The following ATP7A variants were observed in gnomAD, a reference collection of about 807,000 sequenced individuals.
ATP7A encodes the protein copper-transporting ATPase 1.
A neutral mutation model predicts 83.5 loss-of-function variants in ATP7A; 7 were observed. The observed-to-expected ratio is 0.08, with a 90% CI of 0.05 to 0.16. The LOEUF (loss-of-function observed/expected upper bound fraction) is 0.16, where lower values mean the gene tolerates loss of function less well. Ranked by LOEUF, ATP7A falls within the 10% of genes least tolerant of loss-of-function variation. The pLI is 1.00. For synonymous variants in ATP7A, 354 were observed against 395.2 expected (o/e 0.90, Z 1.24); for missense variants, 940 against 1,120.8 (o/e 0.84, Z 2.30).
At chrX:78,041,281 T>C (rs1199261965) in intron 19 of ATP7A, among the ~76,000 whole-genome samples, 2 of 109,952 alleles carry the variant, frequency 1.8e-5, no homozygotes, top group Non-Finnish European at 1.9e-5. Flanking sequence ...TTTTGTTTCT[T>C]TTTTTTTTCT....
At chrX:78,029,469 C>A in intron 15 of ATP7A, 25 bp downstream of exon 15, 1 of 1,169,473 alleles carries the variant, frequency 8.6e-7, no homozygotes, top group Non-Finnish European at 1.2e-6. Flanking sequence ...AGAACTAAAA[C>A]CTGTACCACC....
At chrX:78,039,128 C>G (rs2078032029) in intron 18 of ATP7A, 146 bp downstream of exon 18, 2 of 645,807 alleles carry the variant, frequency 3.1e-6, no homozygotes, top group Non-Finnish European at 4.5e-6. Flanking sequence ...ATGATTATTA[C>G]TGATTAATTT....
intron 1 of ATP7A, among the ~76,000 whole-genome samples, chrX:77,959,646 T>A (rs1023715893): frequency 8.9e-6 from 1 of 112,617 alleles, no homozygotes; most frequent in South Asian, 3.6e-4. Flanking sequence ...TCAGTGAGAA[T>A]CACATTTCTA....
intron 2 of ATP7A, among the ~76,000 whole-genome samples, chrX:77,978,255 T>G (rs2077586923): frequency 9.1e-6 from 1 of 110,491 alleles, no homozygotes; most frequent in Non-Finnish European, 1.9e-5. Flanking sequence ...TAGTTTGGGG[T>G]TAGTAGGCTA....
At chrX:77,935,460 A>G (rs1334243287) in intron 1 of ATP7A, among the ~76,000 whole-genome samples, 2 of 112,252 alleles carry the variant, frequency 1.8e-5, no homozygotes, top group Non-Finnish European at 3.8e-5. Flanking sequence ...CACTGCTGTT[A>G]AATACTTAAC....
chrX:77,998,527 G>A lies in ATP7A; in HGVS notation c.1386G>A (p.Pro462=), dbSNP rs1297787618. The A allele has an allele frequency of 3.0e-5, 36 of 1,210,027 alleles. No homozygotes were observed. The highest frequency in any genetic ancestry group is 3.9e-5 in the Non-Finnish European group (35 of 895,241). ...TAGCTCAGCCTTCATCGGAAATGCC[G>A]CTTTTGACTTCAACTAATGAATTTT... ...VVIAQPSSEM[P]LLTSTNEFYT... is the part of the protein sequence containing the mutation. The change falls in exon 5 of 23, where the codon CCG becomes CCA. Residue 462 remains proline (P), a synonymous_variant. Transcript: ENST00000341514.
At chrX:77,996,954 G>T (rs2077708421) in intron 4 of ATP7A, among the ~76,000 whole-genome samples, 2 of 110,769 alleles carry the variant, frequency 1.8e-5, no homozygotes, top group African/African-American at 6.6e-5. Flanking sequence ...CATAACAGCA[G>T]TACTATTTGG....
intron 5 of ATP7A, among the ~76,000 whole-genome samples, chrX:77,999,772 CGCATGCCTGG>C (rs2077727211): frequency 1.8e-5 from 2 of 110,449 alleles, no homozygotes; most frequent in Non-Finnish European, 3.8e-5. Context: ...GGTGTAGTGG[CGCATGCCTGG>C]AGTCCCAGCT....
intron 2 of ATP7A, 22 bp from the exon 3 acceptor site, chrX:77,988,220 T>G (rs781880486): frequency 8.4e-7 from 1 of 1,194,525 alleles, no homozygotes; most frequent in Non-Finnish European, 1.1e-6. Context: ...TTAAACTGAC[T>G]TTTGGAATTT....
intron 5 of ATP7A, among the ~76,000 whole-genome samples, chrX:78,002,767 G>A (rs1557233291): frequency 1.9e-5 from 2 of 105,102 alleles, no homozygotes; most frequent in Non-Finnish European, 3.9e-5. Flanking sequence ...ATGAAGCAAG[G>A]TGATAGGTAC....
At chrX:78,027,103 T>C (rs561432665) in intron 14 of ATP7A, among the ~76,000 whole-genome samples, 2 of 105,708 alleles carry the variant, frequency 1.9e-5, no homozygotes, top group East Asian at 5.9e-4. Context: ...TGAGCCTAGA[T>C]CACGCCATTG....
chrX:77,956,604 C>G (rs782099183), intron 1 of ATP7A, among the ~76,000 whole-genome samples: 4 of 111,251 alleles, frequency 3.6e-5, no homozygotes, highest in Non-Finnish European at 7.5e-5. Flanking sequence ...ACATCACCTT[C>G]CACCATGAAC....
At chrX:77,930,375 T>C (rs1166049888) in intron 1 of ATP7A, among the ~76,000 whole-genome samples, 1 of 111,806 alleles carries the variant, frequency 8.9e-6, no homozygotes, top group African/African-American at 3.3e-5. Context: ...GAAGTCTGCA[T>C]ACTGCGTGGT....
chrX:77,978,264 T>C (rs933182890), intron 2 of ATP7A, among the ~76,000 whole-genome samples: 5 of 110,598 alleles, frequency 4.5e-5, no homozygotes, highest in Non-Finnish European at 9.4e-5. Flanking sequence ...GTTAGTAGGC[T>C]ATTTGGCTAT....
chrX:78,040,267 T>C (rs1557238211), intron 18 of ATP7A, among the ~76,000 whole-genome samples: 1 of 106,083 alleles, frequency 9.4e-6, no homozygotes, highest in Non-Finnish European at 1.9e-5. Flanking sequence ...ATAAATTAGA[T>C]AAAGTGTTTG....
intron 1 of ATP7A, among the ~76,000 whole-genome samples, chrX:77,954,487 C>T (rs1314338903): frequency 1.8e-5 from 2 of 111,882 alleles, no homozygotes; most frequent in African/African-American, 6.5e-5. Flanking sequence ...AATCTTAGTC[C>T]TCTGTTTATA....
intron 1 of ATP7A, among the ~76,000 whole-genome samples, chrX:77,933,802 G>A (rs781784292): frequency 8.9e-6 from 1 of 112,118 alleles, no homozygotes; most frequent in South Asian, 3.7e-4. Context: ...GAATTTATAT[G>A]CTACTGGTAA....
At chrX:77,995,987 C>T (rs1425118259) in intron 4 of ATP7A, among the ~76,000 whole-genome samples, 1 of 111,706 alleles carries the variant, frequency 9.0e-6, no homozygotes, top group Non-Finnish European at 1.9e-5. Flanking sequence ...TCTTGTGATC[C>T]ACCCGCCTCG....
At chrX:77,928,170 C>T (rs997057961) in intron 1 of ATP7A, among the ~76,000 whole-genome samples, 40 of 110,229 alleles carry the variant, frequency 3.6e-4, no homozygotes, top group Non-Finnish European at 5.5e-4. Context: ...CTATATTGCC[C>T]AGGCTGCCTA....
Sources: allele counts gnomAD v4.1 joint callset (sites outside exome capture counted in the v4.1 genomes callset), GRCh38; gene constraint gnomAD v4.1.1; transcripts MANE v1.5; gene names NCBI Gene and HGNC (gene_info 2026-07-23, HGNC 2026-07-21).